PRKN: variants seen among roughly 807,000 people sequenced by gnomAD.
PRKN encodes E3 ubiquitin-protein ligase parkin.
In PRKN, 56 loss-of-function variants were observed where a neutral mutation model predicts 59.5. The observed-to-expected ratio is 0.94, with a 90% CI of 0.76 to 1.18. The LOEUF (loss-of-function observed/expected upper bound fraction) is 1.18, where lower values mean the gene tolerates loss of function less well. PRKN is among the 50% of genes most tolerant of loss of function. PRKN has a pLI of 0.00. For missense variants in PRKN, 657 were observed against 596.4 expected (o/e 1.10, Z -1.06); for synonymous variants, 250 against 222.1 (o/e 1.13, Z -1.12).
chr6:162,042,774 T>C (rs1784114640), intron 5 of PRKN, among the ~76,000 whole-genome samples: 3 of 152,192 alleles, frequency 2.0e-5, no homozygotes, highest in African/African-American at 7.2e-5. Context: ...TGAGTTTTAA[T>C]TGCTTAATAT....
At chr6:161,501,692 C>T (rs1268188726) in intron 9 of PRKN, among the ~76,000 whole-genome samples, 1 of 152,138 alleles carries the variant, frequency 6.6e-6, no homozygotes, top group African/African-American at 2.4e-5. Flanking sequence ...CTGCTTTGTA[C>T]TCCACGCCTC....
intron 2 of PRKN, among the ~76,000 whole-genome samples, chr6:162,401,170 A>G (rs528955922): frequency 7.9e-5 from 12 of 152,092 alleles, no homozygotes; most frequent in East Asian, 1.9e-4. Flanking sequence ...ACGATTAAAT[A>G]TATATAAACA....
chr6:162,625,171 G>C (rs1782832965), intron 1 of PRKN, among the ~76,000 whole-genome samples: 1 of 152,108 alleles, frequency 6.6e-6, no homozygotes, highest in Admixed American at 6.6e-5. Context: ...GTGGAGTGAG[G>C]GCAACTTCAG....
At chr6:162,141,246 G>T (rs554349139) in intron 4 of PRKN, among the ~76,000 whole-genome samples, 82 of 152,200 alleles carry the variant, frequency 5.4e-4, no homozygotes, top group African/African-American at 1.5e-3. Context: ...TGACTTTCAT[G>T]CAACTTCCCC....
chr6:162,429,804 C>T (rs1407201356), intron 2 of PRKN, among the ~76,000 whole-genome samples: 5 of 152,244 alleles, frequency 3.3e-5, no homozygotes, highest in African/African-American at 9.6e-5. Context: ...GGAGGAGACA[C>T]TTGGCAAGTA....
chr6:162,539,884 A>G (rs1225817882), intron 1 of PRKN, among the ~76,000 whole-genome samples: 1 of 152,112 alleles, frequency 6.6e-6, no homozygotes, highest in Non-Finnish European at 1.5e-5. Context: ...CCACCTACCT[A>G]AAGAGTTATT....
intron 2 of PRKN, among the ~76,000 whole-genome samples, chr6:162,303,548 T>C (rs561236219): frequency 1.6e-4 from 25 of 152,142 alleles, no homozygotes; most frequent in Non-Finnish European, 3.2e-4. Flanking sequence ...CTACTGGGTA[T>C]ACTAGAAATG....
intron 1 of PRKN, among the ~76,000 whole-genome samples, chr6:162,584,058 A>C (rs1489247508): frequency 6.6e-6 from 1 of 151,832 alleles, no homozygotes; most frequent in East Asian, 1.9e-4. Context: ...CTAAAAATAC[A>C]AAAAATTAGC....
chr6:161,433,685 A>G (rs2075428407), intron 9 of PRKN, among the ~76,000 whole-genome samples: 1 of 152,130 alleles, frequency 6.6e-6, no homozygotes, highest in South Asian at 2.1e-4. Context: ...TATTTCTGTC[A>G]TTTAAAAGAT....
intron 4 of PRKN, among the ~76,000 whole-genome samples, chr6:162,068,841 G>A (rs1778450199): frequency 1.3e-5 from 2 of 151,876 alleles, no homozygotes; most frequent in Non-Finnish European, 2.9e-5. Context: ...CACTGGGCCG[G>A]GGGGGTGGGG....
chr6:162,011,273 T>C (rs1782664840), intron 5 of PRKN, among the ~76,000 whole-genome samples: 1 of 99,114 alleles, frequency 1.0e-5, no homozygotes, highest in Non-Finnish European at 1.9e-5. Flanking sequence ...ATTTATAATA[T>C]ATATTTATAA....
rs1791567920 is a variant in PRKN, at chr6:161,484,617, G to A, written c.1083+64237C>T. 6.6e-6 allele frequency among the ~76,000 whole-genome samples: 1 copy of A among 152,112 alleles called. No homozygotes were observed. The highest frequency in any genetic ancestry group is 1.5e-5 in the Non-Finnish European group (1 of 68,038). On this transcript the variant is annotated intron_variant, in intron 9 of 11. Coordinates refer to ENST00000366898, the MANE Select transcript of PRKN (RefSeq NM_004562.3). This position sits in a 1 kb window ranked among gnomAD's most constrained non-coding sequence, Gnocchi z 4.9. ...ACGGACGGCATCAGAACTAAACGCAGGGAGTCTGACTCAGGGTGTTCAATC... is the reference window on the plus strand; with the variant it reads ...ACGGACGGCATCAGAACTAAACGCAAGGAGTCTGACTCAGGGTGTTCAATC...
chr6:161,548,616 C>A lies in PRKN; in HGVS notation c.1083+238G>T. On this transcript the variant is annotated intron_variant, in intron 9 of 11. Transcript: ENST00000366898. This position sits in a 1 kb window ranked among gnomAD's most constrained non-coding sequence, Gnocchi z 4.2. The stretch of plus-strand genomic sequence containing the variant: ...GGCTCACAGCATCTTAAAGTAAATA[C>A]TTCCATAAGCAACCAAAGCAGAAAA... The A allele has an allele frequency of 9.6e-6, 5 of 520,484 alleles. No homozygotes were observed. The highest frequency in any genetic ancestry group is 1.7e-5 in the Non-Finnish European group (5 of 295,956). The allele number at this position is 520,484 out of a possible 1,614,324, so 32.2% of individuals were successfully genotyped here. A position where few individuals can be genotyped will look rare whatever the true frequency, so the allele number is the denominator to read the frequency against.
chr6:162,036,159 C>T (rs1219547425), intron 5 of PRKN, among the ~76,000 whole-genome samples: 1 of 151,596 alleles, frequency 6.6e-6, no homozygotes, highest in Non-Finnish European at 1.5e-5. Flanking sequence ...CCCGTCTCTA[C>T]TAAATATACA....
chr6:161,369,932 C>A lies in PRKN; in HGVS notation c.1168-9727G>T. On this transcript the variant is annotated intron_variant, in intron 10 of 11. Coordinates refer to ENST00000366898, the MANE Select transcript of PRKN (RefSeq NM_004562.3). The surrounding 1 kb of genome is among the most constrained non-coding windows in gnomAD (Gnocchi z 5.8). The stretch of plus-strand genomic sequence containing the variant: ...AGAGGAATAACCTCACAAGGGTCAT[C>A]GTGAGTAAGATCAACACACAAACGG... The A allele has an allele frequency of 2.4e-6, 1 of 417,868 alleles. No individual in the cohort carries two copies. Among genetic ancestry groups the A allele is most frequent in the Non-Finnish European group, 5.0e-6 (1 of 198,138 alleles). 25.9% of individuals were successfully genotyped at this position (417,868 alleles called of 1,614,324 possible).
chr6:162,522,119 A>G (rs1254112803), intron 1 of PRKN, among the ~76,000 whole-genome samples: 1 of 152,096 alleles, frequency 6.6e-6, no homozygotes, highest in Non-Finnish European at 1.5e-5. Flanking sequence ...ATCAATTACA[A>G]TTTTATTTTA....
rs377631564 is a variant in PRKN at position 162,446,232 on chromosome 6, C to G, written c.8-2759G>C. ...CATGACAAGTTAGGGGCTATAGGGA[C>G]AAAAGATATGACCCCAGTTCTAAAT... On this transcript the variant is annotated intron_variant, in intron 1 of 11. Transcript: ENST00000366898. Among the ~76,000 whole-genome samples the G allele has an allele frequency of 5.5e-4, 84 of 152,198 alleles. 1 individual carries two copies. The highest frequency in any genetic ancestry group is 2.0e-3 in the African/African-American group (83 of 41,538).
At chr6:161,834,232 C>T (rs1206355039) in intron 6 of PRKN, among the ~76,000 whole-genome samples, 2 of 152,044 alleles carry the variant, frequency 1.3e-5, no homozygotes, top group Non-Finnish European at 2.9e-5. Context: ...AGTAGTAATC[C>T]AAACACTTCT....
intron 3 of PRKN, among the ~76,000 whole-genome samples, chr6:162,205,417 T>G (rs894059740): frequency 6.6e-6 from 1 of 152,130 alleles, no homozygotes. Flanking sequence ...GACAGGATAC[T>G]TAGGAAGAGT....
Sources: gnomAD v4.1 joint callset for allele counts (sites outside exome capture counted in the v4.1 genomes callset) on GRCh38, gnomAD v4.1.1 for gene constraint, Gnocchi (gnomAD v3.1) non-coding constraint, MANE v1.5 for transcripts, NCBI Gene and HGNC (gene_info 2026-07-23, HGNC 2026-07-21) for gene names.